Variants in SLC51A observed in about 807,000 individuals in gnomAD.
SLC51A encodes organic solute transporter subunit alpha.
SLC51A carries 22 observed loss-of-function variants against 34.8 expected under a neutral mutation model. The ratio of observed to expected loss-of-function variants is 0.63; its 90% CI spans 0.45 to 0.90. The LOEUF (loss-of-function observed/expected upper bound fraction) is 0.90, where lower values mean the gene tolerates loss of function less well. SLC51A is among the 40% of genes least tolerant of loss of function. The pLI is 0.00. For missense variants in SLC51A, 371 were observed against 414.8 expected, an observed-to-expected ratio of 0.89 and a Z score of 0.92; for synonymous variants, 181 against 176.3, an observed-to-expected ratio of 1.03 and a Z score of -0.21.
intron 2 of SLC51A, 94 bp downstream of exon 2, chr3:196,218,030 G>A: frequency 8.9e-7 from 1 of 1,129,668 alleles, no homozygotes; most frequent in Non-Finnish European, 1.3e-6. Context: ...TGGTGCACCT[G>A]GGCAGCCGGG....
chr3:196,220,102 G>A (rs1723706920), intron 2 of SLC51A, among the ~76,000 whole-genome samples: 1 of 152,246 alleles, frequency 6.6e-6, no homozygotes, highest in African/African-American at 2.4e-5. Context: ...CAAGGATCCT[G>A]GTGGAAGAGC....
chr3:196,222,506 G>T lies in SLC51A; in HGVS notation c.134-4459G>T, dbSNP rs530169292. Among the ~76,000 whole-genome samples, 17 of 151,596 alleles carry T rather than the reference G, an allele frequency of 1.1e-4. No individual in the cohort carries two copies. In the Admixed American group the frequency reaches 1.1e-3, roughly 10 times the overall value. ...AAAAATTAGCTGGGCATGGTGGTGG[G>T]TACCTGTAATCCCAGCTACCTGGGA... On this transcript the variant is annotated intron_variant, in intron 2 of 8. Coordinates refer to ENST00000296327, the MANE Select transcript of SLC51A (RefSeq NM_152672.6).
Position 196,228,946 on chromosome 3 carries a change from A to G in SLC51A, c.633+26A>G. ...GTAAGCCGGGAGTAAGGGACAGCAC[A>G]GTCCAAGACTCATTTAGTACCTTTG... On this transcript the variant is annotated intron_variant, in intron 6 of 8. Coordinates refer to ENST00000296327, the MANE Select transcript of SLC51A (RefSeq NM_152672.6). This position sits in a 1 kb window ranked among gnomAD's most constrained non-coding sequence, Gnocchi z 4.9. 6.5e-7 allele frequency: 1 copy of G among 1,537,690 alleles called. No individual in the cohort carries two copies. The highest frequency in any genetic ancestry group is 9.0e-7 in the Non-Finnish European group (1 of 1,110,098).
intron 2 of SLC51A, among the ~76,000 whole-genome samples, chr3:196,224,710 AGATG>A (rs1723852107): frequency 5.3e-5 from 3 of 56,962 alleles, no homozygotes; most frequent in East Asian, 3.1e-3. Flanking sequence ...GGGGGGGAGG[AGATG>A]GGAGGGGAGG....
At chr3:196,218,166 C>G (rs1723645678) in intron 2 of SLC51A, among the ~76,000 whole-genome samples, 1 of 152,210 alleles carries the variant, frequency 6.6e-6, no homozygotes, top group Non-Finnish European at 1.5e-5. Context: ...TCATGTTGGG[C>G]CTCCACAAAA....
chr3:196,219,409 T>A (rs535149047), intron 2 of SLC51A, among the ~76,000 whole-genome samples: 2 of 152,344 alleles, frequency 1.3e-5, no homozygotes, highest in African/African-American at 4.8e-5. Context: ...TCTGAAATGT[T>A]GGATACAAGT....
At chr3:196,219,325 G>C (rs567829895) in intron 2 of SLC51A, among the ~76,000 whole-genome samples, 4 of 152,180 alleles carry the variant, frequency 2.6e-5, no homozygotes, top group Non-Finnish European at 5.9e-5. Flanking sequence ...TGAGAATCAC[G>C]GCCCGAGCAT....
At position 196,216,617 on chromosome 3, in the gene SLC51A, G is replaced by C; in HGVS notation, c.-96G>C. ...GCAATTCTGCTTGCCCCCCACCCCGGCCCAGGCAAGCCACCCTGCCCCCGG... is the reference window on the plus strand; with the variant it reads ...GCAATTCTGCTTGCCCCCCACCCCGCCCCAGGCAAGCCACCCTGCCCCCGG... On this transcript the variant is annotated 5_prime_UTR_variant, in exon 1 of 9. Transcript: ENST00000296327. This position sits in a 1 kb window ranked among gnomAD's most constrained non-coding sequence, Gnocchi z 4.5. The C allele has an allele frequency of 2.4e-6, 3 of 1,273,378 alleles. No individual in the cohort carries two copies. Among genetic ancestry groups the C allele is most frequent in the Admixed American group, 4.0e-5 (2 of 50,320 alleles). 78.9% of individuals were successfully genotyped at this position (1,273,378 alleles called of 1,614,324 possible).
intron 2 of SLC51A, among the ~76,000 whole-genome samples, chr3:196,224,706 GA>G (rs1416537990): frequency 4.5e-5 from 4 of 88,898 alleles, no homozygotes; most frequent in Non-Finnish European, 6.9e-5. Flanking sequence ...GCGGGGGGGG[GA>G]GGAGATGGGA....
chr3:196,229,483 T>G (rs1723978707), intron 6 of SLC51A, among the ~76,000 whole-genome samples: 1 of 150,832 alleles, frequency 6.6e-6, no homozygotes, highest in East Asian at 2.0e-4. Flanking sequence ...GTTTAAGTGA[T>G]TCTCCTACCT....
chr3:196,226,928 G>C (rs750597278), intron 2 of SLC51A, 37 bp from the exon 3 acceptor site: 2 of 1,583,882 alleles, frequency 1.3e-6, no homozygotes, highest in Non-Finnish European at 1.7e-6. Flanking sequence ...CTCCCGCTCA[G>C]TCCCGGTCGT....
At chr3:196,231,142 C>G (rs1006026312) in intron 7 of SLC51A, among the ~76,000 whole-genome samples, 1 of 152,130 alleles carries the variant, frequency 6.6e-6, no homozygotes, top group Non-Finnish European at 1.5e-5. Context: ...CCCCAGGAGT[C>G]ATTTTTCCCA....
At position 196,233,352 on chromosome 3, in the gene SLC51A, A is replaced by C. The variant is rs1724072675; in HGVS notation, c.*153A>C. 8 of 885,528 alleles carry C rather than the reference A, an allele frequency of 9.0e-6. No homozygotes were observed. Among genetic ancestry groups the C allele is most frequent in the Non-Finnish European group, 1.4e-5 (8 of 584,052 alleles). 54.9% of individuals were successfully genotyped at this position (885,528 alleles called of 1,614,324 possible). On this transcript the variant is annotated 3_prime_UTR_variant, in exon 9 of 9. Transcript: ENST00000296327. ...TCTACAGATGAAGGTGAACAATGTT[A>C]GAATAAAATTGCTTTGGATCTTGCC...
chr3:196,222,508 A>G (rs1441032051), intron 2 of SLC51A, among the ~76,000 whole-genome samples: 1 of 151,412 alleles, frequency 6.6e-6, no homozygotes, highest in Non-Finnish European at 1.5e-5. Context: ...GGTGGTGGGT[A>G]CCTGTAATCC....
intron 2 of SLC51A, among the ~76,000 whole-genome samples, chr3:196,219,216 T>C (rs906544494): frequency 4.6e-5 from 7 of 151,630 alleles, no homozygotes; most frequent in African/African-American, 7.3e-5. Flanking sequence ...ACAGAGTGAG[T>C]GAGACTCCGT....
At chr3:196,223,913 G>C in intron 2 of SLC51A, 3 of 403,292 alleles carry the variant, frequency 7.4e-6, no homozygotes, top group Non-Finnish European at 1.4e-5. Context: ...AGGCTGGAGT[G>C]CAGTGGTGTG....
rs1240466505 is a variant in SLC51A, at chr3:196,233,110, C to T, written c.934C>T (p.Leu312=). Residue 312 remains leucine (L), a synonymous_variant, in exon 9 of 9, where the codon CTG becomes TTG. Coordinates refer to ENST00000296327, the MANE Select transcript of SLC51A (RefSeq NM_152672.6). ...ACTGGAGACTTTTCTAATGACTGTG[C>T]TGACACGAATGTACTACCGAAGGAA... ...LILETFLMTV[L]TRMYYRRKDH... 3 of 1,614,136 alleles carry T rather than the reference C, an allele frequency of 1.9e-6. No individual in the cohort carries two copies. The highest frequency in any genetic ancestry group is 3.3e-5 in the Admixed American group (2 of 60,024).
chr3:196,228,615 G>C lies in SLC51A; in HGVS notation c.522-194G>C. Reference sequence around the variant, plus strand: ...GCTCCAAAGACGGAATTCTTGTCTGGAGGTGAGTGGGAGACCAAGAGGGTT... The same window carrying C: ...GCTCCAAAGACGGAATTCTTGTCTGCAGGTGAGTGGGAGACCAAGAGGGTT... On this transcript the variant is annotated intron_variant, in intron 5 of 8. Coordinates refer to ENST00000296327, the MANE Select transcript of SLC51A (RefSeq NM_152672.6). This position sits in a 1 kb window ranked among gnomAD's most constrained non-coding sequence, Gnocchi z 4.9. 1.6e-6 allele frequency: 1 copy of C among 613,384 alleles called. No individual in the cohort carries two copies. The highest frequency in any genetic ancestry group is 2.9e-6 in the Non-Finnish European group (1 of 344,470). The allele number at this position is 613,384 out of a possible 1,614,324, so 38.0% of individuals were successfully genotyped here.
chr3:196,226,908 C>T (rs969283379), intron 2 of SLC51A, 57 bp from the exon 3 acceptor site: 112 of 1,537,864 alleles, frequency 7.3e-5, no homozygotes, highest in Non-Finnish European at 9.6e-5. Context: ...GAGGAACAAG[C>T]CCAGGCCTTC....
Sources: gnomAD v4.1 joint callset for allele counts (sites outside exome capture counted in the v4.1 genomes callset) on GRCh38, gnomAD v4.1.1 for gene constraint, Gnocchi (gnomAD v3.1) non-coding constraint, MANE v1.5 for transcripts, NCBI Gene and HGNC (gene_info 2026-07-23, HGNC 2026-07-21) for gene names.